The following MAX variants were observed in gnomAD, a reference collection of about 807,000 sequenced individuals.
The protein encoded by MAX is protein max.
MAX carries 3 observed loss-of-function variants against 22.3 expected under a neutral mutation model. That is an observed-to-expected ratio of 0.13 (90% CI 0.06 to 0.35). MAX has a LOEUF of 0.35. Ranked by LOEUF, MAX falls within the 10% of genes least tolerant of loss-of-function variation. MAX has a pLI of 1.00. For missense variants in MAX, 119 were observed against 209.4 expected (o/e 0.57, Z 2.66); for synonymous variants, 72 against 77.7 (o/e 0.93, Z 0.39).
rs66817747 is a variant in MAX at position 65,030,806 on chromosome 14, C to A, written c.172-24522G>T. Among the ~76,000 whole-genome samples, 47,393 of 151,238 alleles carry A rather than the reference C, an allele frequency of 0.31. 8,702 individuals carry two copies. The highest frequency in any genetic ancestry group is 0.5 in the African/African-American group (20,612 of 41,260). On this transcript the variant is annotated intron_variant, in intron 3 of 3. Coordinates refer to the MAX transcript ENST00000341653. This position sits in a 1 kb window ranked among gnomAD's most constrained non-coding sequence, Gnocchi z 4.5. ...TTTCTTAGGAGCCCTTAGGAATATACTTTTTGTTTGTTTTGTTTTGAGATG... is the reference window on the plus strand; with the variant it reads ...TTTCTTAGGAGCCCTTAGGAATATAATTTTTGTTTGTTTTGTTTTGAGATG...
At chr14:65,051,058 T>C (rs1051642547) in intron 3 of MAX, among the ~76,000 whole-genome samples, 1 of 152,234 alleles carries the variant, frequency 6.6e-6, no homozygotes, top group African/African-American at 2.4e-5. Flanking sequence ...AGTGCAAGTG[T>C]ATCAAAGCAT....
intron 3 of MAX, among the ~76,000 whole-genome samples, chr14:65,064,630 C>T (rs932265926): frequency 2.6e-5 from 4 of 152,176 alleles, no homozygotes; most frequent in African/African-American, 9.7e-5. Context: ...AGTGCCTTTC[C>T]AAGAAGCAGT....
At chr14:65,074,704 C>T (rs1301668865), downstream of MAX, among the ~76,000 whole-genome samples, 1 of 152,246 alleles carries the variant, frequency 6.6e-6, no homozygotes, top group Non-Finnish European at 1.5e-5. Flanking sequence ...CTTGGCAGCT[C>T]TGCTGCCTCC....
intron 3 of MAX, among the ~76,000 whole-genome samples, chr14:65,018,754 G>A (rs1214351278): frequency 6.7e-6 from 1 of 148,336 alleles, no homozygotes; most frequent in African/African-American, 2.5e-5. Context: ...ACGTTGCGAC[G>A]AGCCAAGATC....
chr14:65,065,539 G>A (rs1328727744), intron 3 of MAX, among the ~76,000 whole-genome samples: 1 of 152,168 alleles, frequency 6.6e-6, no homozygotes, highest in Non-Finnish European at 1.5e-5. Flanking sequence ...CTACAAACCT[G>A]TGCAGCTTGT....
rs1393469085 is a variant in MAX at position 65,082,651 on chromosome 14, C to A, written c.172-4615G>T. On this transcript the variant is annotated intron_variant, in intron 3 of 4. Coordinates refer to ENST00000358664, the MANE Select transcript of MAX (RefSeq NM_002382.5). This position sits in a 1 kb window ranked among gnomAD's most constrained non-coding sequence, Gnocchi z 4.8. ...GCATGGTGGTACACGAATGTGGTCC[C>A]AGCTACTTGGGAGGCAAAGGTGGGA... 3.3e-5 allele frequency among the ~76,000 whole-genome samples: 5 copies of A among 151,816 alleles called. No individual in the cohort carries two copies. Among genetic ancestry groups the A allele is most frequent in the Non-Finnish European group, 7.4e-5 (5 of 67,966 alleles).
chr14:65,034,237 C>T (rs1436235380), intron 3 of MAX, among the ~76,000 whole-genome samples: 1 of 152,220 alleles, frequency 6.6e-6, no homozygotes, highest in East Asian at 1.9e-4. Flanking sequence ...TTGCTCTCAG[C>T]TTGCTACACA....
At position 65,082,711 on chromosome 14, in the gene MAX, G is replaced by A. The variant is rs1249000401; in HGVS notation, c.172-4675C>T. Reference sequence around the variant, plus strand: ...GAGCCCATGGGGCTGAAGCTGCAGTGAGACAGGCTTGTGCCAACACACTCC... The same window carrying A: ...GAGCCCATGGGGCTGAAGCTGCAGTAAGACAGGCTTGTGCCAACACACTCC... On this transcript the variant is annotated intron_variant, in intron 3 of 4. Transcript: ENST00000358664. The surrounding 1 kb of genome is among the most constrained non-coding windows in gnomAD (Gnocchi z 4.8). Among the ~76,000 whole-genome samples the A allele has an allele frequency of 6.6e-6, 1 of 151,890 alleles. No individual in the cohort carries two copies. The highest frequency in any genetic ancestry group is 1.5e-5 in the Non-Finnish European group (1 of 67,982).
chr14:65,022,052 C>G (rs946634888), intron 3 of MAX: 3 of 455,948 alleles, frequency 6.6e-6, no homozygotes, highest in African/African-American at 6.0e-5. Flanking sequence ...CTGTGAGCAG[C>G]AGAGGCCACC....
intron 2 of MAX, chr14:65,094,102 G>A (rs1224898114): frequency 4.8e-6 from 2 of 414,330 alleles, no homozygotes; most frequent in South Asian, 4.2e-5. Context: ...TGACTCTCCT[G>A]TAACATCAGT....
At chr14:65,063,057 C>G (rs1595115451) in intron 3 of MAX, among the ~76,000 whole-genome samples, 2 of 152,194 alleles carry the variant, frequency 1.3e-5, no homozygotes, top group African/African-American at 4.8e-5. Context: ...ACTTGGCTTT[C>G]CCTTCCTCTG....
Position 65,062,967 on chromosome 14 carries a change from G to A in MAX, c.171+30741C>T, listed in dbSNP as rs1222083121. Among the ~76,000 whole-genome samples the A allele has an allele frequency of 6.6e-6, 1 of 152,250 alleles. No homozygotes were observed. The highest frequency in any genetic ancestry group is 1.5e-5 in the Non-Finnish European group (1 of 68,038). On this transcript the variant is annotated intron_variant, in intron 3 of 3. Coordinates refer to the MAX transcript ENST00000341653. The surrounding 1 kb of genome is among the most constrained non-coding windows in gnomAD (Gnocchi z 4.3). ...AAGGACTGGGCCTAGTAGCCCCAGA[G>A]CAGGCTGACTTAGCAAGGGTGGGTG...
chr14:65,090,787 G>C (rs570282352), intron 3 of MAX: 1 of 152,340 alleles, frequency 6.6e-6, no homozygotes, highest in East Asian at 1.9e-4. Context: ...ACAGGCATCA[G>C]CCACCATGCC....
intron 1 of MAX, 84 bp downstream of exon 1, chr14:65,102,220 C>A: frequency 5.7e-6 from 9 of 1,589,048 alleles, no homozygotes; most frequent in Non-Finnish European, 7.7e-6. Flanking sequence ...AGCCCGGCCC[C>A]CTCCCGCCGT....
rs73270827 is a variant in MAX, at chr14:65,040,247, C to A, written c.172-33963G>T. Among the ~76,000 whole-genome samples, 1,571 of 148,120 alleles carry A rather than the reference C, an allele frequency of 0.011. 37 individuals are homozygous for A. The East Asian group carries it at 0.11, about 11-fold the overall frequency. ...TTTTATTTTAACTTGATGGTTATCACTATATATATATGTATATATATGTAT... is the reference window on the plus strand; with the variant it reads ...TTTTATTTTAACTTGATGGTTATCAATATATATATATGTATATATATGTAT... On this transcript the variant is annotated intron_variant, in intron 3 of 3. Coordinates refer to the MAX transcript ENST00000341653.
rs929341257 is a variant in MAX, at chr14:65,075,572, G to A, written c.*904C>T. 1.1e-5 allele frequency: 12 copies of A among 1,066,012 alleles called. No individual in the cohort carries two copies. The highest frequency in any genetic ancestry group is 9.8e-5 in the African/African-American group (6 of 61,076). The allele number at this position is 1,066,012 out of a possible 1,614,324, so 66.0% of individuals were successfully genotyped here. A position where few individuals can be genotyped will look rare whatever the true frequency, so the allele number is the denominator to read the frequency against. ...GATTTCATCATTACTTTATGAATCT[G>A]TCGCTTTGCAAGACCGACATCATCA... On this transcript the variant is annotated 3_prime_UTR_variant, in exon 5 of 5. Transcript: ENST00000358664. This position sits in a 1 kb window ranked among gnomAD's most constrained non-coding sequence, Gnocchi z 4.1.
rs2061679005 is a variant in MAX at position 65,011,290 on chromosome 14, G to A, written c.172-5006C>T. Reference sequence around the variant, plus strand: ...CTAAAAATACAAAAATTAGCTGGGTGTGGTGGCACGTGCCTGTAATCCCAG... The same window carrying A: ...CTAAAAATACAAAAATTAGCTGGGTATGGTGGCACGTGCCTGTAATCCCAG... On this transcript the variant is annotated intron_variant, in intron 3 of 3. Coordinates refer to the MAX transcript ENST00000341653. This position sits in a 1 kb window ranked among gnomAD's most constrained non-coding sequence, Gnocchi z 4.0. Among the ~76,000 whole-genome samples, 1 of 152,118 alleles carries A rather than the reference G, an allele frequency of 6.6e-6. No individual in the cohort carries two copies. The highest frequency in any genetic ancestry group is 1.5e-5 in the Non-Finnish European group (1 of 68,016).
In MAX at chr14:65,040,765, T is replaced by C. The variant is rs753303063; in HGVS notation, c.172-34481A>G. 4 of 1,607,956 alleles carry C rather than the reference T, an allele frequency of 2.5e-6. 1 individual carries two copies. Among genetic ancestry groups the C allele is most frequent in the Non-Finnish European group, 3.4e-6 (4 of 1,176,570 alleles). On this transcript the variant is annotated intron_variant, in intron 3 of 3. Coordinates refer to the MAX transcript ENST00000341653. ...GTACGTCCACTCACTGGCCACTCAT[T>C]CTGCTTTTCTCAATCTCTTCTTAGG... is the stretch of plus-strand genomic sequence containing the variant.
intron 3 of MAX, among the ~76,000 whole-genome samples, chr14:65,063,619 C>G (rs1311638280): frequency 2.0e-5 from 3 of 152,210 alleles, no homozygotes; most frequent in African/African-American, 7.2e-5. Flanking sequence ...GGCTGGAGTG[C>G]AGTGGCACAA....
Sources: gnomAD v4.1 joint callset for allele counts (sites outside exome capture counted in the v4.1 genomes callset) on GRCh38, gnomAD v4.1.1 for gene constraint, Gnocchi (gnomAD v3.1) non-coding constraint, MANE v1.5 for transcripts, NCBI Gene and HGNC (gene_info 2026-07-23, HGNC 2026-07-21) for gene names.